KAT2B: variants seen among roughly 807,000 people sequenced by gnomAD.
The protein encoded by KAT2B is histone acetyltransferase KAT2B.
KAT2B carries 36 observed loss-of-function variants against 105.9 expected under a neutral mutation model. The observed-to-expected ratio is 0.34, with a 90% CI of 0.26 to 0.45. The LOEUF (loss-of-function observed/expected upper bound fraction) is 0.45, where lower values mean the gene tolerates loss of function less well. KAT2B is among the 20% of genes least tolerant of loss of function. The pLI is 1.00. For synonymous variants in KAT2B, 397 were observed against 377.9 expected, an observed-to-expected ratio of 1.05 and a Z score of -0.59; for missense variants, 820 against 1,021.6, an observed-to-expected ratio of 0.80 and a Z score of 2.69.
Position 20,114,693 on chromosome 3 carries a change from A to G in KAT2B, c.1044-189A>G, listed in dbSNP as rs12490215. ...CAGGGTCAAAAGAGTAAACATTTGT[A>G]TAAATGCATTTCTGTATTTGAATAT... On this transcript the variant is annotated intron_variant, in intron 6 of 17. Transcript: ENST00000263754. 0.22 allele frequency among the ~76,000 whole-genome samples: 33,182 copies of G among 152,116 alleles called. 3,893 individuals carry two copies. Among genetic ancestry groups the G allele is most frequent in the African/African-American group, 0.29 (12,039 of 41,490 alleles).
Position 20,040,472 on chromosome 3 carries a change from G to C in KAT2B, c.-6G>C. 2.8e-6 allele frequency: 3 copies of C among 1,068,744 alleles called. No individual in the cohort carries two copies. The highest frequency in any genetic ancestry group is 1.7e-5 in the African/African-American group (1 of 59,106). The allele number at this position is 1,068,744 out of a possible 1,614,324, so 66.2% of individuals were successfully genotyped here. On this transcript the variant is annotated 5_prime_UTR_variant, in exon 1 of 18. Transcript: ENST00000263754. ...CTCGGCGCCTCCTGCCGTGCTCCGG[G>C]GCGGCATGTCCGAGGCTGGCGGGGC...
chr3:20,061,486 A>G (rs1698099492), intron 1 of KAT2B, among the ~76,000 whole-genome samples: 1 of 152,094 alleles, frequency 6.6e-6, no homozygotes, highest in South Asian at 2.1e-4. Flanking sequence ...TCTTTTGGGT[A>G]TATACCCAGA....
At position 20,152,588 on chromosome 3, in the gene KAT2B, G is replaced by C; in HGVS notation, c.*63G>C. 7.5e-7 allele frequency: 1 copy of C among 1,336,326 alleles called. No individual in the cohort carries two copies. The highest frequency in any genetic ancestry group is 1.3e-5 in the South Asian group (1 of 78,240). The allele number at this position is 1,336,326 out of a possible 1,614,324, so 82.8% of individuals were successfully genotyped here. A position where few individuals can be genotyped will look rare whatever the true frequency, so the allele number is the denominator to read the frequency against. The stretch of plus-strand genomic sequence containing the variant: ...AGTGTGCCTAAAGCAAGGTGGTTTA[G>C]TTTTTTACAAAGAATTGGACATGAT... On this transcript the variant is annotated 3_prime_UTR_variant, in exon 18 of 18. Transcript: ENST00000263754.
intron 1 of KAT2B, among the ~76,000 whole-genome samples, chr3:20,064,212 TTTAA>T (rs1436630662): frequency 6.6e-6 from 1 of 152,200 alleles, no homozygotes; most frequent in African/African-American, 2.4e-5. Context: ...TTATTTTGTG[TTTAA>T]TTGACACCTA....
chr3:20,059,817 A>G (rs936874387), intron 1 of KAT2B, among the ~76,000 whole-genome samples: 1 of 152,254 alleles, frequency 6.6e-6, no homozygotes, highest in African/African-American at 2.4e-5. Context: ...CAAGTTGTAC[A>G]ATCATCACCA....
intron 1 of KAT2B, among the ~76,000 whole-genome samples, chr3:20,041,732 A>G (rs1697723208): frequency 6.6e-6 from 1 of 152,194 alleles, no homozygotes; most frequent in African/African-American, 2.4e-5. Context: ...GAGGCAGGGA[A>G]GAGACACACT....
At chr3:20,119,896 C>T (rs1463442071) in intron 8 of KAT2B, among the ~76,000 whole-genome samples, 173 bp downstream of exon 8, 2 of 152,324 alleles carry the variant, frequency 1.3e-5, no homozygotes, top group Non-Finnish European at 1.5e-5. Context: ...TTATTGCTAT[C>T]TTAAAACTGT....
chr3:20,134,650 G>C (rs954851115), intron 11 of KAT2B, among the ~76,000 whole-genome samples: 2 of 152,020 alleles, frequency 1.3e-5, no homozygotes, highest in Non-Finnish European at 2.9e-5. Context: ...CTCATGATCC[G>C]CCCACCTCAG....
intron 17 of KAT2B, among the ~76,000 whole-genome samples, chr3:20,150,562 C>T (rs2125201143): frequency 6.6e-6 from 1 of 152,214 alleles, no homozygotes; most frequent in African/African-American, 2.4e-5. Flanking sequence ...GACATGAAAA[C>T]TGAATAATTT....
intron 17 of KAT2B, among the ~76,000 whole-genome samples, chr3:20,151,215 C>CAGAAGCAG (rs1699863608): frequency 6.6e-6 from 1 of 152,180 alleles, no homozygotes; most frequent in Admixed American, 6.6e-5. Context: ...CCAAGATAGG[C>CAGAAGCAG]TTTATTCAAG....
chr3:20,081,474 C>T (rs1191147081), intron 2 of KAT2B, among the ~76,000 whole-genome samples: 6 of 152,144 alleles, frequency 3.9e-5, no homozygotes, highest in Non-Finnish European at 5.9e-5. Context: ...TGAGAGGTGC[C>T]AAGGTATACC....
At chr3:20,113,816 T>A (rs1269234785) in intron 6 of KAT2B, among the ~76,000 whole-genome samples, 1 of 152,078 alleles carries the variant, frequency 6.6e-6, no homozygotes, top group African/African-American at 2.4e-5. Context: ...GCTGCCTTTT[T>A]TTCCACTTGG....
intron 8 of KAT2B, among the ~76,000 whole-genome samples, chr3:20,121,646 A>G (rs1285354597): frequency 6.6e-6 from 1 of 151,838 alleles, no homozygotes; most frequent in African/African-American, 2.4e-5. Flanking sequence ...TAAATCCATA[A>G]ATTTGTTTAT....
chr3:20,094,297 T>C (rs1489999592), intron 2 of KAT2B, among the ~76,000 whole-genome samples: 1 of 151,904 alleles, frequency 6.6e-6, no homozygotes, highest in Middle Eastern at 3.2e-3. Flanking sequence ...GCCAAACACT[T>C]TTAAACATCA....
At position 20,052,957 on chromosome 3, in the gene KAT2B, C is replaced by G. The variant is rs531597567; in HGVS notation, c.303+12177C>G. Among the ~76,000 whole-genome samples the G allele has an allele frequency of 2.0e-5, 3 of 152,292 alleles. No homozygotes were observed. The South Asian group carries it at 6.2e-4, about 32-fold the overall frequency. On this transcript the variant is annotated intron_variant, in intron 1 of 17. Transcript: ENST00000263754. ...CGCCACTGCACTCCAGCCTGGGCGA[C>G]AAGAGCTAGACTCCGTCTTCAAAAA...
chr3:20,152,362 A>G lies in KAT2B; in HGVS notation c.2336A>G (p.Asn779Ser), dbSNP rs770299133. 1.2e-6 allele frequency: 2 copies of G among 1,613,208 alleles called. No homozygotes were observed. The highest frequency in any genetic ancestry group is 2.2e-5 in the East Asian group (1 of 44,850). The part of the protein sequence containing the change: ...DLKTMSERLK[N>S]RYYVSKKLFM... ...AAAACCATGAGTGAACGCCTCAAGA[A>G]TAGGTACTACGTGTCTAAGAAATTA... Residue 779 changes from asparagine (N) to serine (S), a missense_variant, in exon 18 of 18, where the codon AAT becomes AGT. By Grantham distance (46) the Asn-to-Ser change is conservative (BLOSUM62 1). This residue lies in a region of KAT2B where 227 missense variants were observed against 292.9 expected (regional missense o/e 0.77). Coordinates refer to ENST00000263754, the MANE Select transcript of KAT2B (RefSeq NM_003884.5).
intron 11 of KAT2B, among the ~76,000 whole-genome samples, chr3:20,129,375 CT>C (rs537697916): frequency 2.0e-3 from 267 of 136,206 alleles, no homozygotes; most frequent in Middle Eastern, 0.011. Flanking sequence ...TCTGTACTGT[CT>C]TTTTTTTTTT....
chr3:20,040,694 G>A lies in KAT2B; in HGVS notation c.217G>A (p.Ala73Thr), dbSNP rs1361414008. ...TAEGPGGGGSARIAVKKAQLR... is the reference protein window; with the variant it reads ...TAEGPGGGGSTRIAVKKAQLR... ...CGAAGGACCGGGAGGCGGTGGCTCG[G>A]CCCGAATCGCCGTGAAGAAAGCGCA... Residue 73 changes from alanine to threonine, a missense_variant, in exon 1 of 18, where the codon GCC (alanine) becomes ACC (threonine). Ala to Thr is a moderately conservative substitution (Grantham distance 58). Transcript: ENST00000263754. The A allele has an allele frequency of 8.2e-6, 13 of 1,577,724 alleles. No individual in the cohort carries two copies. In the East Asian group the frequency reaches 3.0e-4, roughly 36 times the overall value.
chr3:20,040,482 C>A lies in KAT2B; in HGVS notation c.5C>A (p.Ser2Tyr). The part of the protein sequence containing the change: M[S>Y]EAGGAGPGGC... ...CCTGCCGTGCTCCGGGGCGGCATGT[C>A]CGAGGCTGGCGGGGCCGGGCCGGGC... The change falls in exon 1 of 18, where the codon TCC becomes TAC. Residue 2 changes from serine to tyrosine, a missense_variant. Ser to Tyr is a moderately radical substitution (Grantham distance 144). Transcript: ENST00000263754. The A allele has an allele frequency of 9.5e-7, 1 of 1,056,668 alleles. No homozygotes were observed. The highest frequency in any genetic ancestry group is 7.0e-5 in the East Asian group (1 of 14,384). The allele number at this position is 1,056,668 out of a possible 1,614,324, so 65.5% of individuals were successfully genotyped here.
Sources: gnomAD v4.1 joint callset for allele counts (sites outside exome capture counted in the v4.1 genomes callset) on GRCh38, gnomAD v4.1.1 for gene constraint, gnomAD v4.1.1 regional missense constraint, MANE v1.5 for transcripts, NCBI Gene and HGNC (gene_info 2026-07-23, HGNC 2026-07-21) for gene names.